CPNE4: variants seen among roughly 807,000 people sequenced by gnomAD.
The protein encoded by CPNE4 is copine 4, also known as copine-4.
CPNE4 carries 25 observed loss-of-function variants against 67.9 expected under a neutral mutation model. The observed-to-expected ratio is 0.37, with a 90% confidence interval of 0.27 to 0.51. The LOEUF (loss-of-function observed/expected upper bound fraction) is 0.51. Among genes scored for constraint, CPNE4 ranks in the 20% least tolerant of loss-of-function variants. The probability of loss-of-function intolerance (pLI) is 0.93; values close to 1 mark genes in which losing one functional copy is unlikely to be tolerated. For missense variants in CPNE4, 464 were observed against 690.8 expected, an observed-to-expected ratio of 0.67 and a Z score of 3.68; for synonymous variants, 242 against 244.9, an observed-to-expected ratio of 0.99 and a Z score of 0.11.
At chr3:131,683,097 G>A (rs7628001) in intron 6 of CPNE4, among the ~76,000 whole-genome samples, 11,552 of 152,086 alleles carry the variant, frequency 0.076, 957 homozygotes, top group East Asian at 0.28. Flanking sequence ...GTCTTTAATC[G>A]GGGACCCCAA....
intron 1 of CPNE4, among the ~76,000 whole-genome samples, chr3:131,952,183 G>T (rs867738166): frequency 6.9e-6 from 1 of 145,344 alleles, no homozygotes; most frequent in Non-Finnish European, 1.5e-5. Context: ...GCCGCCCATC[G>T]TCTGAGATGT....
At chr3:131,703,818 A>G (rs1583049045) in intron 3 of CPNE4, among the ~76,000 whole-genome samples, 1 of 152,224 alleles carries the variant, frequency 6.6e-6, no homozygotes, top group Non-Finnish European at 1.5e-5. Context: ...AATGGTGAGT[A>G]GAAACAGATT....
At chr3:132,019,149 C>CAA (rs143846197) in intron 1 of CPNE4, among the ~76,000 whole-genome samples, 2 of 147,208 alleles carry the variant, frequency 1.4e-5, no homozygotes, top group Admixed American at 6.8e-5. Flanking sequence ...GTGAAGCAAA[C>CAA]AAAAAAAAAA....
chr3:131,899,611 T>G (rs1447693054), intron 2 of CPNE4, among the ~76,000 whole-genome samples: 1 of 152,110 alleles, frequency 6.6e-6, no homozygotes, highest in African/African-American at 2.4e-5. Flanking sequence ...TTCTCAAGCC[T>G]TAGCTATCTT....
At chr3:131,647,070 T>A (rs1258193403) in intron 7 of CPNE4, among the ~76,000 whole-genome samples, 1 of 152,188 alleles carries the variant, frequency 6.6e-6, no homozygotes, top group Non-Finnish European at 1.5e-5. Flanking sequence ...CAGAGGTAAC[T>A]CTGAGGGGTA....
intron 2 of CPNE4, among the ~76,000 whole-genome samples, chr3:131,866,909 G>A (rs1257553921): frequency 2.6e-5 from 4 of 152,170 alleles, no homozygotes; most frequent in Admixed American, 2.0e-4. Flanking sequence ...CAGAGAACAC[G>A]TTGCTGGGAC....
At chr3:131,673,423 G>A (rs927968094) in intron 6 of CPNE4, among the ~76,000 whole-genome samples, 1 of 152,014 alleles carries the variant, frequency 6.6e-6, no homozygotes, top group Non-Finnish European at 1.5e-5. Flanking sequence ...ATTGCTTTGG[G>A]TAGTATGCAC....
chr3:131,910,532 G>A (rs974813146), intron 1 of CPNE4, among the ~76,000 whole-genome samples: 2 of 152,184 alleles, frequency 1.3e-5, no homozygotes, highest in Admixed American at 1.3e-4. Flanking sequence ...CTCAGCTGGA[G>A]TACAGCTTCA....
intron 2 of CPNE4, among the ~76,000 whole-genome samples, chr3:131,741,842 T>C (rs371152193): frequency 1.3e-5 from 2 of 152,184 alleles, no homozygotes; most frequent in African/African-American, 4.8e-5. Context: ...AGCCTGCTCA[T>C]GTAACCCCAT....
chr3:131,868,594 T>C (rs2087059645), intron 2 of CPNE4, among the ~76,000 whole-genome samples: 2 of 152,254 alleles, frequency 1.3e-5, no homozygotes, highest in African/African-American at 4.8e-5. Context: ...AAATAAATTC[T>C]AACTGACACA....
chr3:131,827,699 T>C (rs2085216930), intron 2 of CPNE4, among the ~76,000 whole-genome samples: 1 of 152,028 alleles, frequency 6.6e-6, no homozygotes, highest in Non-Finnish European at 1.5e-5. Context: ...CCTTTGGGTG[T>C]TGGGATGGAA....
intron 2 of CPNE4, among the ~76,000 whole-genome samples, chr3:131,778,914 A>G (rs1185663534): frequency 6.6e-6 from 1 of 152,090 alleles, no homozygotes; most frequent in Non-Finnish European, 1.5e-5. Context: ...CCCATACTAT[A>G]TGATACTATA....
chr3:131,669,763 A>C lies in CPNE4; in HGVS notation c.593T>G (p.Val198Gly). 6.2e-7 allele frequency: 1 copy of C among 1,611,822 alleles called. No homozygotes were observed. Among genetic ancestry groups the C allele is most frequent in the Non-Finnish European group, 8.5e-7 (1 of 1,178,306 alleles). Reference protein sequence around the residue: ...ATQQLVHRTEVVMNNLSPAWK... With the variant: ...ATQQLVHRTEGVMNNLSPAWK... ...GGCTGGGCTTAAGTTATTCATCACA[A>C]CCTGGGAAAAGAAAGAGAGGAGTGG... Residue 198 changes from valine (V) to glycine (G), a missense_variant and splice_region_variant, in exon 7 of 16, where the codon GTT becomes GGT. Around this residue, in one of 6 missense-constraint regions of CPNE4, gnomAD observed 58 missense variants for 63.5 expected, o/e 0.91. Coordinates refer to ENST00000429747, the MANE Select transcript of CPNE4 (RefSeq NM_130808.3).
rs572279558 is a variant in CPNE4 at position 131,711,736 on chromosome 3, C to T, written c.360+11710G>A. On this transcript the variant is annotated intron_variant, in intron 3 of 15. Transcript: ENST00000429747. ...AACCAAGCAGTTATTGTTTTCCTCCCCCTCAACTTTATTAGGTTAATTTAA... is the reference window on the plus strand; with the variant it reads ...AACCAAGCAGTTATTGTTTTCCTCCTCCTCAACTTTATTAGGTTAATTTAA... Among the ~76,000 whole-genome samples, 46 of 152,252 alleles carry T rather than the reference C, an allele frequency of 3.0e-4. 1 individual carries two copies. In the South Asian group the frequency reaches 9.1e-3, roughly 30 times the overall value.
At chr3:131,718,464 C>G (rs1048928008) in intron 3 of CPNE4, among the ~76,000 whole-genome samples, 1 of 152,196 alleles carries the variant, frequency 6.6e-6, no homozygotes, top group Non-Finnish European at 1.5e-5. Flanking sequence ...CGCTCACCCA[C>G]GCTAAGTCAC....
At chr3:131,745,758 A>G (rs1454430586) in intron 2 of CPNE4, among the ~76,000 whole-genome samples, 1 of 152,070 alleles carries the variant, frequency 6.6e-6, no homozygotes, top group Non-Finnish European at 1.5e-5. Flanking sequence ...GTCTATGGGT[A>G]TACCCTTCTG....
chr3:131,973,522 A>G (rs924630925), intron 1 of CPNE4, among the ~76,000 whole-genome samples: 1 of 152,236 alleles, frequency 6.6e-6, no homozygotes, highest in African/African-American at 2.4e-5. Context: ...TTAATGATAG[A>G]TACTATTATC....
intron 7 of CPNE4, among the ~76,000 whole-genome samples, chr3:131,618,199 T>A (rs1940269513): frequency 6.6e-6 from 1 of 152,104 alleles, no homozygotes; most frequent in Non-Finnish European, 1.5e-5. Context: ...ACTGGGGTAG[T>A]TTGGGAAGGC....
chr3:131,685,110 T>C (rs570950467), intron 6 of CPNE4, among the ~76,000 whole-genome samples: 4 of 152,300 alleles, frequency 2.6e-5, no homozygotes, highest in South Asian at 4.1e-4. Flanking sequence ...TTCCATCCTT[T>C]GTTAGCTGTG....
Sources: allele counts gnomAD v4.1 joint callset (sites outside exome capture counted in the v4.1 genomes callset), GRCh38; gene constraint gnomAD v4.1.1; regional missense constraint gnomAD v4.1.1; transcripts MANE v1.5; gene names NCBI Gene and HGNC (gene_info 2026-07-23, HGNC 2026-07-21).